The following CENPW variants were observed in gnomAD, a reference collection of about 807,000 sequenced individuals.
CENPW encodes the protein cancer-up-regulated gene 2 protein.
A neutral mutation model predicts 11.1 loss-of-function variants in CENPW; 3 were observed. That is an observed-to-expected ratio of 0.27 (90% CI 0.12 to 0.70). The LOEUF is 0.70. Ranked by LOEUF, CENPW falls within the 30% of genes least tolerant of loss-of-function variation. The probability of loss-of-function intolerance (pLI) is 0.77; values close to 1 mark genes in which losing one functional copy is unlikely to be tolerated. For synonymous variants in CENPW, 38 were observed against 42.0 expected (o/e 0.91, Z 0.37); for missense variants, 100 against 105.6 (o/e 0.95, Z 0.23).
chr6:126,348,434 T>C (rs1362950409), intron 2 of CENPW, 32 bp from the exon 3 acceptor site: 7 of 1,118,148 alleles, frequency 6.3e-6, no homozygotes, highest in Non-Finnish European at 9.5e-6. Flanking sequence ...TTCATAGATA[T>C]AATATGAATC....
the CENPW span, among the ~76,000 whole-genome samples, chr6:126,470,323 A>C: frequency 6.6e-6 from 1 of 152,250 alleles, no homozygotes. Flanking sequence ...CAGAGGCTAC[A>C]AGCCCCAAAC....
the CENPW span, among the ~76,000 whole-genome samples, chr6:126,452,508 G>A: frequency 6.6e-6 from 1 of 150,990 alleles, no homozygotes; most frequent in Admixed American, 6.6e-5. Context: ...CTCACTGAAT[G>A]GGGTCAAGAG....
At chr6:126,396,276 T>A in the CENPW span, among the ~76,000 whole-genome samples, 3 of 151,544 alleles carry the variant, frequency 2.0e-5, no homozygotes, top group Non-Finnish European at 4.4e-5. Context: ...ACTCTTCCCA[T>A]CCCCCTGCCA....
chr6:126,388,788 T>C, the CENPW span, among the ~76,000 whole-genome samples: 1 of 151,968 alleles, frequency 6.6e-6, no homozygotes. Flanking sequence ...AATTATTTTA[T>C]TGCATTGTGA....
chr6:126,368,848 T>C, the CENPW span, among the ~76,000 whole-genome samples: 1 of 152,116 alleles, frequency 6.6e-6, no homozygotes, highest in Non-Finnish European at 1.5e-5. Flanking sequence ...GATTTCACTG[T>C]GTTAGCCAGG....
At chr6:126,443,221 TG>T in the CENPW span, among the ~76,000 whole-genome samples, 1 of 151,306 alleles carries the variant, frequency 6.6e-6, no homozygotes, top group African/African-American at 2.4e-5. Context: ...TACAATTTTT[TG>T]ACATGTATCT....
the CENPW span, among the ~76,000 whole-genome samples, chr6:126,467,138 A>C: frequency 6.6e-6 from 1 of 152,206 alleles, no homozygotes; most frequent in African/African-American, 2.4e-5. Context: ...CTAGAAAAAA[A>C]CTATTTTAAA....
the CENPW span, among the ~76,000 whole-genome samples, chr6:126,462,843 T>C: frequency 5.3e-5 from 8 of 152,036 alleles, no homozygotes; most frequent in Non-Finnish European, 1.2e-4. Flanking sequence ...AACTGCTGGA[T>C]TAACTGGCTG....
At chr6:126,434,916 G>A in the CENPW span, among the ~76,000 whole-genome samples, 1 of 151,916 alleles carries the variant, frequency 6.6e-6, no homozygotes, top group Non-Finnish European at 1.5e-5. Context: ...ATGAATTGCT[G>A]TCTATTCTAT....
chr6:126,370,919 A>AT, the CENPW span, among the ~76,000 whole-genome samples: 1 of 151,208 alleles, frequency 6.6e-6, no homozygotes, highest in East Asian at 1.9e-4. Flanking sequence ...CGCCTGGCTA[A>AT]TTTTTTGTGT....
At chr6:126,421,607 A>G in the CENPW span, among the ~76,000 whole-genome samples, 1 of 150,870 alleles carries the variant, frequency 6.6e-6, no homozygotes, top group Non-Finnish European at 1.5e-5. Flanking sequence ...TACACCACAT[A>G]AACTAGGTTG....
the CENPW span, among the ~76,000 whole-genome samples, chr6:126,375,712 A>G: frequency 6.6e-6 from 1 of 151,190 alleles, no homozygotes; most frequent in African/African-American, 2.4e-5. Flanking sequence ...CTGCTTGTCC[A>G]TATTCCTCTC....
the CENPW span, among the ~76,000 whole-genome samples, chr6:126,415,808 T>C: frequency 1.3e-5 from 2 of 152,202 alleles, no homozygotes; most frequent in African/African-American, 4.8e-5. Context: ...TCCCCAGCCA[T>C]GTAGAACTGT....
the CENPW span, among the ~76,000 whole-genome samples, chr6:126,446,817 A>G: frequency 4.0e-5 from 6 of 151,268 alleles, no homozygotes; most frequent in Admixed American, 4.0e-4. Flanking sequence ...ATAGTACGTC[A>G]TTTGGTTTGA....
the CENPW span, among the ~76,000 whole-genome samples, chr6:126,443,940 A>ATC: frequency 6.6e-6 from 1 of 151,172 alleles, no homozygotes; most frequent in Admixed American, 6.6e-5. Context: ...CTTAAAATGC[A>ATC]TATAAAGTCC....
the CENPW span, among the ~76,000 whole-genome samples, chr6:126,364,746 A>G: frequency 6.6e-6 from 1 of 152,208 alleles, no homozygotes; most frequent in Non-Finnish European, 1.5e-5. Flanking sequence ...AATGAAGGAA[A>G]TTTAGTTTGT....
the CENPW span, among the ~76,000 whole-genome samples, chr6:126,409,584 T>C: frequency 6.6e-6 from 1 of 151,978 alleles, no homozygotes; most frequent in South Asian, 2.1e-4. Flanking sequence ...TATATATCCA[T>C]GTGTTCTGGT....
chr6:126,381,555 C>T, the CENPW span, among the ~76,000 whole-genome samples: 2 of 152,138 alleles, frequency 1.3e-5, no homozygotes, highest in Non-Finnish European at 2.9e-5. Context: ...TTTTTTTGCC[C>T]TGTGTTCTTG....
chr6:126,481,107 A>T, the CENPW span, among the ~76,000 whole-genome samples: 1 of 152,006 alleles, frequency 6.6e-6, no homozygotes, highest in Non-Finnish European at 1.5e-5. Flanking sequence ...AATTTATTTC[A>T]TCAGTTCACT....
Sources: gnomAD v4.1 joint callset for allele counts (sites outside exome capture counted in the v4.1 genomes callset) on GRCh38, gnomAD v4.1.1 for gene constraint, MANE v1.5 for transcripts, NCBI Gene and HGNC (gene_info 2026-07-23, HGNC 2026-07-21) for gene names.